The following IDE variants were observed in gnomAD, a reference collection of about 807,000 sequenced individuals.
IDE encodes the protein insulin degrading enzyme, also known as insulin-degrading enzyme.
In IDE, 58 loss-of-function variants were observed where a neutral mutation model predicts 133.2. That is an observed-to-expected ratio of 0.44 (90% CI 0.35 to 0.54). The LOEUF is 0.54. Among genes scored for constraint, IDE ranks in the 20% least tolerant of loss-of-function variants. The pLI is 0.00. For synonymous variants in IDE, 396 were observed against 421.3 expected (o/e 0.94, Z 0.73); for missense variants, 981 against 1,234.0 (o/e 0.79, Z 3.07).
chr10:92,492,645 T>G (rs1371041151), intron 11 of IDE, among the ~76,000 whole-genome samples: 10 of 152,178 alleles, frequency 6.6e-5, no homozygotes, highest in Admixed American at 6.5e-4. Context: ...TAATATCTGT[T>G]CCTGCTTGTT....
chr10:92,559,930 T>C (rs1843198697), intron 1 of IDE, among the ~76,000 whole-genome samples: 1 of 151,888 alleles, frequency 6.6e-6, no homozygotes, highest in Non-Finnish European at 1.5e-5. Context: ...AGAGATAGGG[T>C]CCCACTATGT....
chr10:92,467,579 A>G (rs541014291), intron 19 of IDE, among the ~76,000 whole-genome samples: 2 of 152,362 alleles, frequency 1.3e-5, no homozygotes, highest in East Asian at 3.9e-4. Context: ...ATCCTAGGAA[A>G]GGAGACAGAA....
intron 22 of IDE, among the ~76,000 whole-genome samples, chr10:92,456,862 A>G (rs1159636719): frequency 1.3e-5 from 2 of 150,292 alleles, no homozygotes; most frequent in Non-Finnish European, 3.0e-5. Flanking sequence ...AAAAAAAAAA[A>G]AAAAAAAAAA....
At chr10:92,550,650 CAAAAAAAAA>C (rs71028826) in intron 1 of IDE, among the ~76,000 whole-genome samples, 7 of 57,418 alleles carry the variant, frequency 1.2e-4, no homozygotes, top group African/African-American at 1.7e-4. Context: ...GACTCCGTCT[CAAAAAAAAA>C]AAAAAAAAAA....
Position 92,469,050 on chromosome 10 carries a change from A to G in IDE, c.2209-60T>C, listed in dbSNP as rs999963296. On this transcript the variant is annotated intron_variant, in intron 18 of 24. Transcript: ENST00000265986. ...AACATAAACATATCTTGTTTGTGAA[A>G]TAAACTGGCTTTGTTTATCATAAAA... The G allele has an allele frequency of 6.4e-6, 6 of 937,760 alleles. No individual in the cohort carries two copies. The African/African-American group carries it at 9.6e-5, about 15-fold the overall frequency. 58.1% of individuals were successfully genotyped at this position (937,760 alleles called of 1,614,324 possible).
chr10:92,474,875 G>A lies in IDE; in HGVS notation c.2082C>T (p.Ala694=), dbSNP rs780279737. The A allele has an allele frequency of 6.2e-7, 1 of 1,613,752 alleles. No individual in the cohort carries two copies. Among genetic ancestry groups the A allele is most frequent in the Non-Finnish European group, 8.5e-7 (1 of 1,179,756 alleles). Residue 694 remains alanine (A), a synonymous_variant, in exon 17 of 25, where the codon GCC becomes GCT. Coordinates refer to ENST00000265986, the MANE Select transcript of IDE (RefSeq NM_004969.4). ...YYLRLLMTEV[A]WTKDELKEAL... ...CTTCTTTTAACTCATCTTTAGTCCA[G>A]GCCACTTCAGTCATCAGCAAGCGGA...
At position 92,490,507 on chromosome 10, in the gene IDE, C is replaced by T; in HGVS notation, c.1519G>A (p.Asp507Asn). The T allele has an allele frequency of 1.3e-6, 2 of 1,599,724 alleles. No homozygotes were observed. The highest frequency in any genetic ancestry group is 1.7e-6 in the Non-Finnish European group (2 of 1,167,444). The change falls in exon 12 of 25, where the codon GAT (aspartate) becomes AAT (asparagine). Residue 507 changes from aspartate (D) to asparagine (N), a missense_variant. By Grantham distance (23) the Asp-to-Asn change is conservative. Transcript: ENST00000265986. ...GTTAACCCTACCTTGATGACTTCAT[C>T]CGGTATAGCTTCTTGTTTGTACTGG... ...GTQYKQEAIP[D>N]EVIKKWQNAD...
At chr10:92,479,511 G>A (rs1338100721) in intron 14 of IDE, 90 bp from the exon 15 acceptor site, 28 of 931,728 alleles carry the variant, frequency 3.0e-5, no homozygotes, top group African/African-American at 8.2e-5. Context: ...ATTGAACACC[G>A]GTTAATATGA....
At chr10:92,479,222 C>T (rs1159064767) in intron 15 of IDE, 55 bp downstream of exon 15, 2 of 1,343,722 alleles carry the variant, frequency 1.5e-6, no homozygotes, top group Non-Finnish European at 2.0e-6. Flanking sequence ...ATGCTTCCAT[C>T]AAATCAATAT....
chr10:92,517,723 G>T (rs1412342114), intron 4 of IDE, among the ~76,000 whole-genome samples: 1 of 152,094 alleles, frequency 6.6e-6, no homozygotes, highest in Non-Finnish European at 1.5e-5. Flanking sequence ...AGCACTTTGG[G>T]AGGCCAAGGC....
Position 92,506,513 on chromosome 10 carries a change from C to T in IDE, c.1255G>A (p.Ala419Thr), listed in dbSNP as rs1187122811. 6.5e-7 allele frequency: 1 copy of T among 1,549,332 alleles called. No individual in the cohort carries two copies. Among genetic ancestry groups the T allele is most frequent in the Admixed American group, 1.7e-5 (1 of 59,236 alleles). Residue 419 changes from alanine (A) to threonine (T), a missense_variant, in exon 10 of 25, where the codon GCT (alanine) becomes ACT (threonine). This residue lies in a region of IDE where 660 missense variants were observed against 894.7 expected (regional missense o/e 0.74). Coordinates refer to ENST00000265986, the MANE Select transcript of IDE (RefSeq NM_004969.4). ...WVFQECKDLNAVAFRFKDKER... is the reference protein window; with the variant it reads ...WVFQECKDLNTVAFRFKDKER... ...TTGTCTTTAAACCTAAAAGCAACAG[C>T]ATTCAAGTCCTAAAATAGAAAGTTA...
chr10:92,528,666 C>T (rs2056963243), intron 4 of IDE, among the ~76,000 whole-genome samples: 1 of 152,180 alleles, frequency 6.6e-6, no homozygotes, highest in Non-Finnish European at 1.5e-5. Context: ...GCATGAAAAC[C>T]GACTGTTAGG....
rs1282614687 is a variant in IDE, at chr10:92,465,681, T to G, written c.2483A>C (p.Gln828Pro). The G allele has an allele frequency of 6.2e-7, 1 of 1,610,906 alleles. No homozygotes were observed. The highest frequency in any genetic ancestry group is 8.5e-7 in the Non-Finnish European group (1 of 1,177,274). ...PCFNTLRTKE[Q>P]LGYIVFSGPR... ...TTTCCCCACTTTCCTCTCACCCAAC[T>G]GCTCCTTGGTGCGCAGGGTGTTGAA... Residue 828 changes from glutamine (Q) to proline (P), a missense_variant, in exon 20 of 25, where the codon CAG becomes CCG. Around this residue, in one of 2 missense-constraint regions of IDE, gnomAD observed 660 missense variants for 894.7 expected, o/e 0.74. Transcript: ENST00000265986.
At chr10:92,527,334 A>G (rs1487250045) in intron 4 of IDE, among the ~76,000 whole-genome samples, 1 of 152,084 alleles carries the variant, frequency 6.6e-6, no homozygotes, top group East Asian at 1.9e-4. Context: ...CTTCAATTCT[A>G]CTACTGTAAC....
At chr10:92,546,735 ATAT>A (rs1469351333) in intron 1 of IDE, among the ~76,000 whole-genome samples, 2 of 152,244 alleles carry the variant, frequency 1.3e-5, no homozygotes, top group East Asian at 3.8e-4. Flanking sequence ...TACTCATTAC[ATAT>A]TATTTGAAAA....
intron 11 of IDE, among the ~76,000 whole-genome samples, chr10:92,497,198 A>G (rs1027597996): frequency 2.0e-5 from 3 of 152,234 alleles, no homozygotes; most frequent in Non-Finnish European, 4.4e-5. Context: ...TTGTAGATTT[A>G]ATATGGTAAA....
chr10:92,515,010 G>T lies in IDE; in HGVS notation c.694C>A (p.Gln232Lys), dbSNP rs1360710889. 1.2e-6 allele frequency: 2 copies of T among 1,611,066 alleles called. No individual in the cohort carries two copies. Among genetic ancestry groups the T allele is most frequent in the Non-Finnish European group, 1.7e-6 (2 of 1,177,758 alleles). ...NKYTLETRPN[Q>K]EGIDVRQELL... The stretch of plus-strand genomic sequence containing the variant: ...TCTTGTCTTACATCAATGCCTTCTT[G>T]GTTTGGTCTAGTCTCCAGAGTATAT... Residue 232 changes from glutamine to lysine, a missense_variant, in exon 5 of 25, where the codon CAA (glutamine) becomes AAA (lysine). Physicochemically the swap from Gln to Lys is moderately conservative, Grantham distance 53. This residue lies in a region of IDE where 321 missense variants were observed against 339.3 expected (regional missense o/e 0.95). Coordinates refer to ENST00000265986, the MANE Select transcript of IDE (RefSeq NM_004969.4).
In IDE at chr10:92,514,906, G is replaced by A. The variant is rs772119410; in HGVS notation, c.784+14C>T. Reference sequence around the variant, plus strand: ...ATATTATCCAATTCTATAAAAAATTGTAAGGGTTCTTACCTCGACCTAAAA... The same window carrying A: ...ATATTATCCAATTCTATAAAAAATTATAAGGGTTCTTACCTCGACCTAAAA... On this transcript the variant is annotated intron_variant, in intron 5 of 24. Coordinates refer to ENST00000265986, the MANE Select transcript of IDE (RefSeq NM_004969.4). 1 of 1,601,146 alleles carries A rather than the reference G, an allele frequency of 6.2e-7. No individual in the cohort carries two copies.
intron 1 of IDE, among the ~76,000 whole-genome samples, chr10:92,569,703 T>G (rs1257947386): frequency 6.6e-6 from 1 of 152,136 alleles, no homozygotes; most frequent in Admixed American, 6.5e-5. Context: ...AAAAATTGTT[T>G]TGAAAAAAGA....
Sources: allele counts gnomAD v4.1 joint callset (sites outside exome capture counted in the v4.1 genomes callset), GRCh38; gene constraint gnomAD v4.1.1; regional missense constraint gnomAD v4.1.1; transcripts MANE v1.5; gene names NCBI Gene and HGNC (gene_info 2026-07-23, HGNC 2026-07-21).